Variants in RCHY1 observed in about 807,000 individuals in gnomAD.
RCHY1 encodes RING finger and CHY zinc finger domain-containing protein 1.
In RCHY1, 21 loss-of-function variants were observed where a neutral mutation model predicts 41.6. The observed-to-expected ratio is 0.51, with a 90% CI of 0.36 to 0.73. The LOEUF is 0.73. Among genes scored for constraint, RCHY1 ranks in the 30% least tolerant of loss-of-function variants. The pLI, the probability that RCHY1 is intolerant of heterozygous loss-of-function variation, is 0.00. For synonymous variants in RCHY1, 79 were observed against 102.9 expected (o/e 0.77, Z 1.41); for missense variants, 265 against 325.3 (o/e 0.81, Z 1.43).
At chr4:75,482,701 A>G (rs1165845631) in intron 8 of RCHY1, 35 bp from the exon 9 acceptor site, 2 of 1,513,472 alleles carry the variant, frequency 1.3e-6, no homozygotes, top group African/African-American at 2.8e-5. Context: ...AGTATTTTAA[A>G]CCTTATAAAT....
rs368815747 is a variant in RCHY1 at position 75,481,581 on chromosome 4, A to C, written c.*957T>G. 3.3e-5 allele frequency: 5 copies of C among 152,304 alleles called. No individual in the cohort carries two copies. The East Asian group carries it at 7.7e-4, about 23-fold the overall frequency. The allele number at this position is 152,304 out of a possible 1,614,324, so 9.4% of individuals were successfully genotyped here. A position where few individuals can be genotyped will look rare whatever the true frequency, so the allele number is the denominator to read the frequency against. ...ATTTTCACACGCTTAGGGAAGAAAT[A>C]TTCTATTCATTTACAATAAGACATC... On this transcript the variant is annotated 3_prime_UTR_variant, in exon 9 of 9. Coordinates refer to ENST00000324439, the MANE Select transcript of RCHY1 (RefSeq NM_015436.4).
rs117457168 is a variant in RCHY1, at chr4:75,493,975, C to T, written c.405+126G>A. The T allele has an allele frequency of 8.3e-4, 499 of 600,134 alleles. 2 individuals are homozygous for T. In the East Asian group the frequency reaches 0.015, roughly 18 times the overall value. 37.2% of individuals were successfully genotyped at this position (600,134 alleles called of 1,614,324 possible). ...ATATCTACTTGTTAATACTGCTTTTCAAAAAAGCAATATAGTTGCACTTGG... is the reference window on the plus strand; with the variant it reads ...ATATCTACTTGTTAATACTGCTTTTTAAAAAAGCAATATAGTTGCACTTGG... On this transcript the variant is annotated intron_variant, in intron 4 of 8. Coordinates refer to ENST00000324439, the MANE Select transcript of RCHY1 (RefSeq NM_015436.4).
At chr4:75,496,404 A>T (rs1723209717) in intron 3 of RCHY1, among the ~76,000 whole-genome samples, 1 of 152,136 alleles carries the variant, frequency 6.6e-6, no homozygotes, top group Non-Finnish European at 1.5e-5. Flanking sequence ...ACAGATTCAT[A>T]GGACAGAGCA....
intron 3 of RCHY1, among the ~76,000 whole-genome samples, chr4:75,508,540 T>G (rs1371731580): frequency 6.6e-6 from 1 of 152,102 alleles, no homozygotes; most frequent in East Asian, 1.9e-4. Flanking sequence ...AAAACATATT[T>G]TATAATCCAA....
In RCHY1 at chr4:75,480,850, G is replaced by C. The variant is rs973372723; in HGVS notation, c.*1688C>G. On this transcript the variant is annotated 3_prime_UTR_variant, in exon 9 of 9. Transcript: ENST00000324439. ...TACAAAACAATTAAAAATTAGCTGG[G>C]CATGGTGGCACACACCTGTAGTCCC... 6.6e-6 allele frequency: 1 copy of C among 152,254 alleles called. No homozygotes were observed. Among genetic ancestry groups the C allele is most frequent in the Non-Finnish European group, 1.5e-5 (1 of 68,152 alleles). 9.4% of individuals were successfully genotyped at this position (152,254 alleles called of 1,614,324 possible). A position where few individuals can be genotyped will look rare whatever the true frequency, so the allele number is the denominator to read the frequency against.
At chr4:75,511,186 T>TATTTAC (rs1355759861) in intron 1 of RCHY1, among the ~76,000 whole-genome samples, 1 of 152,222 alleles carries the variant, frequency 6.6e-6, no homozygotes, top group Non-Finnish European at 1.5e-5. Context: ...TTCAGTGAGT[T>TATTTAC]ATTTACATCT....
At chr4:75,488,969 G>A (rs1722497846) in intron 8 of RCHY1, among the ~76,000 whole-genome samples, 1 of 152,050 alleles carries the variant, frequency 6.6e-6, no homozygotes, top group African/African-American at 2.4e-5. Context: ...CAGCTACTTG[G>A]GAGGCTGAGG....
chr4:75,488,925 A>C (rs1722493018), intron 8 of RCHY1, among the ~76,000 whole-genome samples: 1 of 152,230 alleles, frequency 6.6e-6, no homozygotes, highest in African/African-American at 2.4e-5. Context: ...AAATACAAAA[A>C]TTAGCCAGGT....
intron 2 of RCHY1, 60 bp from the exon 3 acceptor site, chr4:75,508,995 A>G: frequency 1.5e-6 from 2 of 1,308,746 alleles, no homozygotes; most frequent in Non-Finnish European, 1.1e-6. Context: ...TACCATTTGA[A>G]TATCTAGAAC....
intron 3 of RCHY1, 77 bp from the exon 4 acceptor site, chr4:75,494,256 A>C: frequency 1.9e-6 from 2 of 1,039,362 alleles, no homozygotes; most frequent in Non-Finnish European, 2.8e-6. Flanking sequence ...GTAAAACACA[A>C]GTTTAGTCTC....
At chr4:75,494,993 A>AAGT in intron 3 of RCHY1, among the ~76,000 whole-genome samples, 1 of 152,072 alleles carries the variant, frequency 6.6e-6, no homozygotes, top group Middle Eastern at 3.4e-3. Context: ...TTTTCTACTG[A>AAGT]AGTATTTGTT....
In RCHY1 at chr4:75,506,902, T is replaced by C. The variant is rs1055071578; in HGVS notation, c.326+1918A>G. Among the ~76,000 whole-genome samples, 4 of 152,168 alleles carry C rather than the reference T, an allele frequency of 2.6e-5. No individual in the cohort carries two copies. In the East Asian group the frequency reaches 7.7e-4, roughly 29 times the overall value. On this transcript the variant is annotated intron_variant, in intron 3 of 8. Coordinates refer to ENST00000324439, the MANE Select transcript of RCHY1 (RefSeq NM_015436.4). The stretch of plus-strand genomic sequence containing the variant: ...AACAGCGAGAGGAGGATAAAAGACA[T>C]TTTAACTTCAAAGAAGCAATAATAA...
intron 3 of RCHY1, among the ~76,000 whole-genome samples, chr4:75,506,183 T>TG (rs1724289345): frequency 7.0e-6 from 1 of 143,802 alleles, no homozygotes; most frequent in Non-Finnish European, 1.5e-5. Context: ...CTAAATTGGA[T>TG]TAAGGTTATC....
Position 75,494,106 on chromosome 4 carries a change from G to T in RCHY1, c.400C>A (p.His134Asn). The T allele has an allele frequency of 6.6e-7, 1 of 1,525,462 alleles. No individual in the cohort carries two copies. The highest frequency in any genetic ancestry group is 8.9e-7 in the Non-Finnish European group (1 of 1,128,886). 94.5% of individuals were successfully genotyped at this position (1,525,462 alleles called of 1,614,324 possible). The change falls in exon 4 of 9, where the codon CAC becomes AAC. Residue 134 changes from histidine (H) to asparagine (N), a missense_variant. Physicochemically the swap from His to Asn is moderately conservative, Grantham distance 68. Transcript: ENST00000324439. ...LCLAMNLQGR[H>N]KCIENVSRQN... is the part of the protein sequence containing the mutation. ...ATACAAACTAAATTATATACCTTGTGTCTTCCTTGAAGATTCATAGCTAGG... is the reference window on the plus strand; with the variant it reads ...ATACAAACTAAATTATATACCTTGTTTCTTCCTTGAAGATTCATAGCTAGG...
At position 75,499,876 on chromosome 4, in the gene RCHY1, C is replaced by T. The variant is rs185685738; in HGVS notation, c.327-5697G>A. ...GTTTGATAGACCAGTAGGGTGACTA[C>T]GGTTTACATTAATTGATTATACATT... On this transcript the variant is annotated intron_variant, in intron 3 of 8. Coordinates refer to ENST00000324439, the MANE Select transcript of RCHY1 (RefSeq NM_015436.4). 7.2e-5 allele frequency among the ~76,000 whole-genome samples: 11 copies of T among 152,278 alleles called. No homozygotes were observed. In the East Asian group the frequency reaches 1.3e-3, roughly 19 times the overall value.
intron 3 of RCHY1, 79 bp downstream of exon 3, chr4:75,508,741 C>T: frequency 4.0e-6 from 3 of 742,842 alleles, no homozygotes; most frequent in Non-Finnish European, 6.5e-6. Flanking sequence ...GTAAATTACA[C>T]CTTAATAAAG....
At chr4:75,487,642 C>CATAATATATATATTA (rs1553917606) in intron 8 of RCHY1, among the ~76,000 whole-genome samples, 1 of 8,892 alleles carries the variant, frequency 1.1e-4, no homozygotes, top group Non-Finnish European at 2.3e-4. Context: ...TATATATATT[C>CATAATATATATATTA]ATATATATTC....
At chr4:75,502,494 C>T (rs941643304) in intron 3 of RCHY1, among the ~76,000 whole-genome samples, 7 of 151,892 alleles carry the variant, frequency 4.6e-5, no homozygotes, top group Non-Finnish European at 8.8e-5. Flanking sequence ...GAGCCAAGAT[C>T]GCGCCACTGC....
chr4:75,481,933 T>C lies in RCHY1; in HGVS notation c.*605A>G, dbSNP rs956802409. The C allele has an allele frequency of 6.6e-6, 1 of 152,164 alleles. No homozygotes were observed. The highest frequency in any genetic ancestry group is 6.5e-5 in the Admixed American group (1 of 15,272). The allele number at this position is 152,164 out of a possible 1,614,324, so 9.4% of individuals were successfully genotyped here. On this transcript the variant is annotated 3_prime_UTR_variant, in exon 9 of 9. Coordinates refer to ENST00000324439, the MANE Select transcript of RCHY1 (RefSeq NM_015436.4). ...ACCTCAAAAGAAAGAAAATTTCTTT[T>C]ACATTATAGAACTGATGATACTGCC...
Sources: gnomAD v4.1 joint callset for allele counts (sites outside exome capture counted in the v4.1 genomes callset) on GRCh38, gnomAD v4.1.1 for gene constraint, MANE v1.5 for transcripts, NCBI Gene and HGNC (gene_info 2026-07-23, HGNC 2026-07-21) for gene names.